The following SHLD2 variants were observed in gnomAD, a reference collection of about 807,000 sequenced individuals.
The protein encoded by SHLD2 is RINN1-REV7-interacting novel NHEJ regulator 2.
Under a neutral mutation model 73.2 loss-of-function variants are expected in SHLD2, and 30 were observed. That is an observed-to-expected ratio of 0.41 (90% confidence interval 0.31 to 0.56). The LOEUF (loss-of-function observed/expected upper bound fraction) is 0.56, where lower values mean the gene tolerates loss of function less well. Ranked by LOEUF, SHLD2 falls within the 20% of genes least tolerant of loss-of-function variation. The pLI, the probability that SHLD2 is intolerant of heterozygous loss-of-function variation, is 0.28. For missense variants in SHLD2, 745 were observed against 1,055.9 expected (o/e 0.71, Z 4.08); for synonymous variants, 285 against 370.1 (o/e 0.77, Z 2.64).
intron 2 of SHLD2, among the ~76,000 whole-genome samples, chr10:87,142,694 G>A (rs1845280646): frequency 6.6e-6 from 1 of 152,040 alleles, no homozygotes. Context: ...TTGGGATAGT[G>A]GAGTTGTTAT....
intron 9 of SHLD2, among the ~76,000 whole-genome samples, chr10:87,190,265 G>T (rs1291845682): frequency 1.3e-5 from 2 of 152,148 alleles, no homozygotes; most frequent in East Asian, 1.9e-4. Context: ...TACTGTGTTG[G>T]CCAGGCATGT....
chr10:87,180,414 G>T (rs1848232014), intron 8 of SHLD2, 111 bp downstream of exon 8: 2 of 1,419,430 alleles, frequency 1.4e-6, no homozygotes, highest in Admixed American at 2.6e-5. Context: ...TAGTCGAAGA[G>T]AATAAAATTT....
intron 2 of SHLD2, among the ~76,000 whole-genome samples, chr10:87,105,973 G>A (rs547059025): frequency 2.0e-5 from 3 of 152,148 alleles, no homozygotes; most frequent in Non-Finnish European, 4.4e-5. Context: ...TGCCAGCCAG[G>A]AAGAAAGGTA....
In SHLD2 at chr10:87,180,139, A is replaced by T. The variant is rs995172337; in HGVS notation, c.2235A>T (p.Ile745=). ...TTCCTATTACAGCATCTCAGAAGAT[A>T]GCGCTAAATGCTCACAGTTCTCTGA... ...LAFPITASQK[I]ALNAHSSLKS... The change falls in exon 8 of 10, where the codon ATA becomes ATT. Residue 745 remains isoleucine (I), a synonymous_variant. Transcript: ENST00000298786. 2.5e-6 allele frequency: 4 copies of T among 1,613,820 alleles called. No individual in the cohort carries two copies. The African/African-American group carries it at 5.3e-5, about 22-fold the overall frequency.
chr10:87,148,262 A>G (rs1218932405), intron 2 of SHLD2, among the ~76,000 whole-genome samples: 2 of 152,224 alleles, frequency 1.3e-5, no homozygotes, highest in Non-Finnish European at 2.9e-5. Flanking sequence ...CCCAGCACGT[A>G]ATGTTGAATG....
chr10:87,108,687 A>G (rs1842752168), intron 2 of SHLD2, among the ~76,000 whole-genome samples: 1 of 152,246 alleles, frequency 6.6e-6, no homozygotes, highest in African/African-American at 2.4e-5. Flanking sequence ...CAATCTTGCC[A>G]CTTTAGGATA....
At chr10:87,131,527 A>G (rs1844429761) in intron 2 of SHLD2, among the ~76,000 whole-genome samples, 1 of 152,206 alleles carries the variant, frequency 6.6e-6, no homozygotes, top group African/African-American at 2.4e-5. Flanking sequence ...TCTATGGTAT[A>G]GCATAGATCA....
intron 2 of SHLD2, among the ~76,000 whole-genome samples, chr10:87,128,173 T>C (rs1435288097): frequency 6.6e-6 from 1 of 152,214 alleles, no homozygotes; most frequent in Admixed American, 6.5e-5. Flanking sequence ...CCTCCTCTCA[T>C]AGGTAACCAT....
chr10:87,158,021 T>C, intron 3 of SHLD2, 27 bp from the exon 4 acceptor site: 1 of 1,601,254 alleles, frequency 6.2e-7, no homozygotes, highest in African/African-American at 1.3e-5. Context: ...ATTTATGGCA[T>C]GATCAGAACG....
At chr10:87,160,717 C>T (rs1416976553) in intron 4 of SHLD2, among the ~76,000 whole-genome samples, 4 of 152,028 alleles carry the variant, frequency 2.6e-5, no homozygotes, top group South Asian at 2.1e-4. Flanking sequence ...TGGTCTGGTG[C>T]GGTGGCTCAC....
intron 4 of SHLD2, among the ~76,000 whole-genome samples, chr10:87,160,073 AGCT>A (rs1434206953): frequency 6.6e-6 from 1 of 152,098 alleles, no homozygotes; most frequent in African/African-American, 2.4e-5. Context: ...CTCTTCTTCT[AGCT>A]TCTCCCAATG....
chr10:87,123,127 G>A (rs1021790036), intron 2 of SHLD2, among the ~76,000 whole-genome samples: 1 of 152,092 alleles, frequency 6.6e-6, no homozygotes, highest in Non-Finnish European at 1.5e-5. Context: ...TGGCTAGGCT[G>A]GTCTCGAACT....
intron 2 of SHLD2, among the ~76,000 whole-genome samples, chr10:87,140,785 A>T (rs1845135659): frequency 6.6e-6 from 1 of 152,148 alleles, no homozygotes; most frequent in Non-Finnish European, 1.5e-5. Context: ...ACATAGTGAT[A>T]CCCCTATCTT....
chr10:87,184,496 C>T (rs1329100998), intron 8 of SHLD2, among the ~76,000 whole-genome samples: 5 of 152,074 alleles, frequency 3.3e-5, no homozygotes, highest in East Asian at 1.9e-4. Flanking sequence ...TGAGTCCCTA[C>T]GACCTGTTGC....
chr10:87,124,191 A>AT (rs1843818873), intron 2 of SHLD2, among the ~76,000 whole-genome samples: 1 of 152,244 alleles, frequency 6.6e-6, no homozygotes. Flanking sequence ...TGGATGTAAA[A>AT]TAACATTTTT....
intron 2 of SHLD2, among the ~76,000 whole-genome samples, chr10:87,137,969 G>A (rs1424015038): frequency 6.6e-6 from 1 of 152,060 alleles, no homozygotes; most frequent in African/African-American, 2.4e-5. Context: ...CCAGGAGTTC[G>A]AGTCCAGCCT....
Position 87,190,567 on chromosome 10 carries a change from T to A in SHLD2, c.2599T>A (p.Leu867Ile). Reference sequence around the variant, plus strand: ...GGCAGTCAGCGCAGAACCTTGTGTATTAAAGATTCAGAGCCTTTTTGTGTT... The same window carrying A: ...GGCAGTCAGCGCAGAACCTTGTGTAATAAAGATTCAGAGCCTTTTTGTGTT... The part of the protein sequence containing the change: ...LLAVSAEPCV[L>I]KIQSLFVLDE... Residue 867 changes from leucine (L) to isoleucine (I), a missense_variant, in exon 10 of 10, where the codon TTA becomes ATA. Leu to Ile is a conservative substitution (Grantham distance 5, BLOSUM62 2). Coordinates refer to ENST00000298786, the MANE Select transcript of SHLD2 (RefSeq NM_001330112.2). 6.2e-7 allele frequency: 1 copy of A among 1,611,960 alleles called. No individual in the cohort carries two copies. Among genetic ancestry groups the A allele is most frequent in the Middle Eastern group, 2.3e-4 (1 of 4,430 alleles).
At chr10:87,176,555 C>T (rs941359661) in intron 7 of SHLD2, among the ~76,000 whole-genome samples, 2 of 152,182 alleles carry the variant, frequency 1.3e-5, no homozygotes, top group African/African-American at 4.8e-5. Context: ...AACTAGATTC[C>T]AGTAGTTTTA....
chr10:87,165,450 G>A (rs1433693074), intron 4 of SHLD2, among the ~76,000 whole-genome samples: 5 of 152,008 alleles, frequency 3.3e-5, no homozygotes, highest in Non-Finnish European at 7.3e-5. Flanking sequence ...GTAATAAGAT[G>A]TATGGTATCA....
Sources: gnomAD v4.1 joint callset for allele counts (sites outside exome capture counted in the v4.1 genomes callset) on GRCh38, gnomAD v4.1.1 for gene constraint, MANE v1.5 for transcripts, NCBI Gene and HGNC (gene_info 2026-07-23, HGNC 2026-07-21) for gene names.